The following SNTG2 variants were observed in gnomAD, a reference collection of about 807,000 sequenced individuals.
The protein encoded by SNTG2 is gamma-2-syntrophin.
Under a neutral mutation model 70.9 loss-of-function variants are expected in SNTG2, and 74 were observed. The observed-to-expected ratio is 1.04, with a 90% CI of 0.86 to 1.27. The LOEUF is 1.27. Ranked by LOEUF, SNTG2 falls within the 50% of genes most tolerant of loss-of-function variation. The pLI, the probability that SNTG2 is intolerant of heterozygous loss-of-function variation, is 0.00. For missense variants in SNTG2, 717 were observed against 690.7 expected (o/e 1.04, Z -0.43); for synonymous variants, 278 against 273.8 (o/e 1.02, Z -0.15).
At chr2:968,909 A>G (rs908258637) in intron 1 of SNTG2, among the ~76,000 whole-genome samples, 1 of 151,954 alleles carries the variant, frequency 6.6e-6, no homozygotes, top group Non-Finnish European at 1.5e-5. Flanking sequence ...TTTTGTTCCA[A>G]TTGCTTTTGG....
At chr2:958,585 A>C (rs1329987270) in intron 1 of SNTG2, among the ~76,000 whole-genome samples, 4 of 152,248 alleles carry the variant, frequency 2.6e-5, no homozygotes, top group Non-Finnish European at 5.9e-5. Flanking sequence ...AAAGGAAAAA[A>C]AAGAAAACCT....
intron 14 of SNTG2, among the ~76,000 whole-genome samples, chr2:1,273,400 T>A (rs1032489798): frequency 6.6e-6 from 1 of 152,196 alleles, no homozygotes; most frequent in Admixed American, 6.5e-5. Context: ...TAGTAGTTGC[T>A]TGATATCAGG....
At chr2:1,143,084 G>A (rs1461454754) in intron 6 of SNTG2, among the ~76,000 whole-genome samples, 1 of 152,176 alleles carries the variant, frequency 6.6e-6, no homozygotes, top group Non-Finnish European at 1.5e-5. Context: ...GCCGATAGGG[G>A]AGGAAGGGGA....
intron 1 of SNTG2, among the ~76,000 whole-genome samples, chr2:1,023,164 T>A (rs1660290059): frequency 6.6e-6 from 1 of 152,166 alleles, no homozygotes; most frequent in Non-Finnish European, 1.5e-5. Flanking sequence ...TAATTTTATT[T>A]TCTGGCCCGT....
At chr2:1,116,862 TCTGGTGTACGGGTGCC>T (rs373071484) in intron 4 of SNTG2, among the ~76,000 whole-genome samples, 4 of 124,978 alleles carry the variant, frequency 3.2e-5, no homozygotes, top group Non-Finnish European at 6.6e-5. Context: ...GTGTGGGTGC[TCTGGTGTACGGGTGCC>T]CTGGTGTACG....
At chr2:1,347,485 C>T (rs1660354429) in intron 16 of SNTG2, among the ~76,000 whole-genome samples, 1 of 152,220 alleles carries the variant, frequency 6.6e-6, no homozygotes, top group Non-Finnish European at 1.5e-5. Context: ...TAGTTTACAA[C>T]CACTGGTTCT....
intron 1 of SNTG2, among the ~76,000 whole-genome samples, chr2:992,109 T>G (rs1372867858): frequency 6.6e-6 from 1 of 152,106 alleles, no homozygotes; most frequent in Non-Finnish European, 1.5e-5. Context: ...TAACCTCAGA[T>G]AGGATTTTCT....
rs181632325 is a variant in SNTG2, at chr2:1,306,666, C to T, written c.1285-1828C>T. On this transcript the variant is annotated intron_variant, in intron 14 of 16. Transcript: ENST00000308624. The stretch of plus-strand genomic sequence containing the variant: ...GACTTGAGACCTGACTGGCTCCAGC[C>T]TCCCTCGGCCAGGGTGTGAGTGTGT... Among the ~76,000 whole-genome samples the T allele has an allele frequency of 2.6e-3, 373 of 140,996 alleles. 1 individual carries two copies. Among genetic ancestry groups the T allele is most frequent in the African/African-American group, 8.9e-3 (344 of 38,520 alleles). The allele number at this position is 140,996 out of a possible 152,430, so 92.5% of individuals were successfully genotyped here.
chr2:1,040,372 C>T (rs190261145), intron 1 of SNTG2, among the ~76,000 whole-genome samples: 101 of 152,280 alleles, frequency 6.6e-4, no homozygotes, highest in Middle Eastern at 6.8e-3. Flanking sequence ...AACCTCTCCT[C>T]GGATTCCGGC....
At chr2:1,181,050 A>G (rs936473978) in intron 8 of SNTG2, among the ~76,000 whole-genome samples, 3 of 152,014 alleles carry the variant, frequency 2.0e-5, no homozygotes, top group South Asian at 2.1e-4. Context: ...GGGAACATCA[A>G]ACTCTGGGGA....
At chr2:1,157,874 T>G (rs2147831852) in intron 6 of SNTG2, among the ~76,000 whole-genome samples, 1 of 152,334 alleles carries the variant, frequency 6.6e-6, no homozygotes, top group East Asian at 1.9e-4. Context: ...ATTCTAAAGC[T>G]ATAGATGGAT....
chr2:1,134,404 C>A (rs182798329), intron 4 of SNTG2, among the ~76,000 whole-genome samples: 5 of 151,858 alleles, frequency 3.3e-5, no homozygotes, highest in African/African-American at 1.2e-4. Flanking sequence ...CTGAGCTAGA[C>A]ACAAAGGTTC....
chr2:1,147,443 C>T (rs28525435), intron 6 of SNTG2, among the ~76,000 whole-genome samples: 131,909 of 152,168 alleles, frequency 0.87, 57,611 homozygotes, highest in Non-Finnish European at 0.94. Flanking sequence ...TTGGCCTAGC[C>T]TCCCAGCCTA....
chr2:1,136,285 A>G (rs1054216890), intron 4 of SNTG2, among the ~76,000 whole-genome samples: 1 of 151,910 alleles, frequency 6.6e-6, no homozygotes, highest in Non-Finnish European at 1.5e-5. Context: ...GAACAACAGC[A>G]TGCGAAGAAC....
chr2:1,130,689 A>C (rs1298360572), intron 4 of SNTG2, among the ~76,000 whole-genome samples: 3 of 152,206 alleles, frequency 2.0e-5, no homozygotes. Flanking sequence ...TCTTGTGCCC[A>C]AGTCACAAAG....
At chr2:1,346,403 G>C (rs562821028) in intron 16 of SNTG2, 3 of 152,310 alleles carry the variant, frequency 2.0e-5, no homozygotes, top group African/African-American at 7.2e-5. Flanking sequence ...AGCTGATTGT[G>C]GTCTCAGTCC....
At position 1,042,360 on chromosome 2, in the gene SNTG2, T is replaced by G. The variant is rs187008345; in HGVS notation, c.73-41158T>G. Among the ~76,000 whole-genome samples the G allele has an allele frequency of 9.8e-5, 15 of 152,306 alleles. No homozygotes were observed. The East Asian group carries it at 2.7e-3, about 27-fold the overall frequency. On this transcript the variant is annotated intron_variant, in intron 1 of 16. Transcript: ENST00000308624. Reference sequence around the variant, plus strand: ...AATTTAACTAGTATTTCTTTAATGATTTTCTTTCTTTTCTTTCCAACTTTT... The same window carrying G: ...AATTTAACTAGTATTTCTTTAATGAGTTTCTTTCTTTTCTTTCCAACTTTT...
intron 1 of SNTG2, among the ~76,000 whole-genome samples, chr2:1,053,108 C>T (rs937489353): frequency 1.3e-5 from 2 of 152,146 alleles, no homozygotes; most frequent in African/African-American, 2.4e-5. Context: ...TATGACCCTG[C>T]GTTTTGTCCA....
chr2:1,228,058 C>CT (rs750095636), intron 9 of SNTG2, among the ~76,000 whole-genome samples: 1 of 152,290 alleles, frequency 6.6e-6, no homozygotes, highest in Admixed American at 6.5e-5. Context: ...GTCTGAGTGT[C>CT]TGAGTGCTGC....
Sources: gnomAD v4.1 joint callset for allele counts (sites outside exome capture counted in the v4.1 genomes callset) on GRCh38, gnomAD v4.1.1 for gene constraint, MANE v1.5 for transcripts, NCBI Gene and HGNC (gene_info 2026-07-23, HGNC 2026-07-21) for gene names.